The following NRG1 variants were observed in gnomAD, a reference collection of about 807,000 sequenced individuals.
NRG1 encodes the protein pro-neuregulin-1, membrane-bound isoform.
NRG1 carries 18 observed loss-of-function variants against 63.8 expected under a neutral mutation model. The observed-to-expected ratio is 0.28, with a 90% CI of 0.19 to 0.42. NRG1 has a LOEUF of 0.42. NRG1 is among the 10% of genes least tolerant of loss of function. The pLI, the probability that NRG1 is intolerant of heterozygous loss-of-function variation, is 1.00. For synonymous variants in NRG1, 302 were observed against 301.3 expected (o/e 1.00, Z -0.02); for missense variants, 762 against 814.7 (o/e 0.94, Z 0.79).
At chr8:32,303,353 A>T (rs182576333) in intron 1 of NRG1, among the ~76,000 whole-genome samples, 13 of 150,584 alleles carry the variant, frequency 8.6e-5, no homozygotes, top group Non-Finnish European at 1.5e-4. Context: ...TAAAAACATT[A>T]AAAAAAAACA....
At chr8:32,345,389 G>A (rs1032282737) in intron 1 of NRG1, among the ~76,000 whole-genome samples, 6 of 152,142 alleles carry the variant, frequency 3.9e-5, no homozygotes, top group African/African-American at 1.4e-4. Flanking sequence ...TCATCTGTGA[G>A]TTGTAAGCCT....
Position 31,677,888 on chromosome 8 carries a change from G to T in NRG1, c.37+38457G>T, listed in dbSNP as rs916157826. Among the ~76,000 whole-genome samples the T allele has an allele frequency of 2.0e-5, 3 of 151,952 alleles. No individual in the cohort carries two copies. The East Asian group carries it at 5.8e-4, about 29-fold the overall frequency. On this transcript the variant is annotated intron_variant, in intron 1 of 10. Coordinates refer to the NRG1 transcript ENST00000519301. ...TATTTAGACTGCTTACTTCAGAAGA[G>T]AATTTGTTTTCAAATATTCTCTTTG...
chr8:32,724,419 A>C (rs1189854240), intron 5 of NRG1, among the ~76,000 whole-genome samples: 2 of 152,174 alleles, frequency 1.3e-5, no homozygotes, highest in Non-Finnish European at 2.9e-5. Flanking sequence ...CCCCAGAAAG[A>C]ATGCTGTTTG....
chr8:32,714,827 C>T (rs541201508), intron 5 of NRG1, among the ~76,000 whole-genome samples: 42 of 152,308 alleles, frequency 2.8e-4, no homozygotes, highest in African/African-American at 9.6e-4. Context: ...AGCTCAAGCG[C>T]GTGCACGCAC....
intron 1 of NRG1, chr8:32,063,444 T>C (rs947519801): frequency 5.9e-5 from 9 of 152,286 alleles, no homozygotes; most frequent in Admixed American, 1.3e-4. Flanking sequence ...TATACTGTAT[T>C]GTTCAATCTG....
At chr8:31,711,920 C>A (rs778991181) in intron 1 of NRG1, among the ~76,000 whole-genome samples, 51 of 152,110 alleles carry the variant, frequency 3.4e-4, no homozygotes, top group Non-Finnish European at 6.6e-4. Context: ...GCCCACATGA[C>A]CTAATCACCT....
At chr8:32,253,514 A>G (rs1256228398) in intron 1 of NRG1, among the ~76,000 whole-genome samples, 2 of 152,254 alleles carry the variant, frequency 1.3e-5, no homozygotes, top group East Asian at 3.9e-4. Context: ...TGTATGTTGA[A>G]CCAGCCTTGC....
At chr8:32,160,481 A>T (rs1469464890) in intron 1 of NRG1, among the ~76,000 whole-genome samples, 1 of 152,230 alleles carries the variant, frequency 6.6e-6, no homozygotes, top group Non-Finnish European at 1.5e-5. Context: ...AGGTCACTAC[A>T]GTAGTTATTG....
At chr8:32,520,017 C>T (rs146435853) in intron 1 of NRG1, among the ~76,000 whole-genome samples, 114 of 152,294 alleles carry the variant, frequency 7.5e-4, no homozygotes, top group Middle Eastern at 6.8e-3. Context: ...CACACATATA[C>T]ACACACATAC....
chr8:32,590,390 G>T (rs114224846), intron 1 of NRG1, among the ~76,000 whole-genome samples: 3 of 152,174 alleles, frequency 2.0e-5, no homozygotes, highest in Middle Eastern at 3.4e-3. Context: ...TATGAACTGC[G>T]GTAGACCAAA....
rs183252688 is a variant in NRG1, at chr8:31,845,680, A to T, written c.37+206249A>T. ...TCCTTTAATTGCATTCTGACCAAAG[A>T]CTTTTGGGTGTTCAGGAGGGCAAGT... On this transcript the variant is annotated intron_variant, in intron 1 of 10. Transcript: ENST00000519301. Among the ~76,000 whole-genome samples, 28 of 152,254 alleles carry T rather than the reference A, an allele frequency of 1.8e-4. No individual in the cohort carries two copies. The East Asian group carries it at 5.4e-3, about 29-fold the overall frequency.
At chr8:32,230,912 C>T (rs929129340) in intron 1 of NRG1, among the ~76,000 whole-genome samples, 1 of 152,040 alleles carries the variant, frequency 6.6e-6, no homozygotes, top group Non-Finnish European at 1.5e-5. Context: ...TGAAAATATA[C>T]AATAAATTAT....
intron 1 of NRG1, among the ~76,000 whole-genome samples, chr8:31,720,624 T>TTTTG (rs963317491): frequency 6.6e-6 from 1 of 152,218 alleles, no homozygotes; most frequent in Non-Finnish European, 1.5e-5. Flanking sequence ...CAAACCGTTT[T>TTTTG]TTTGTTTGTT....
At chr8:32,646,798 TAGGAAG>T in intron 5 of NRG1, 2 of 984,696 alleles carry the variant, frequency 2.0e-6, no homozygotes, top group East Asian at 2.3e-4. Context: ...TTGGATAAAA[TAGGAAG>T]TCACTGGCAG....
intron 1 of NRG1, among the ~76,000 whole-genome samples, chr8:31,937,746 T>C (rs1801136752): frequency 6.6e-6 from 1 of 152,144 alleles, no homozygotes; most frequent in African/African-American, 2.4e-5. Context: ...GATTGCTGGC[T>C]TTCCCCCACT....
At chr8:32,354,284 G>A (rs547460293) in intron 1 of NRG1, among the ~76,000 whole-genome samples, 16 of 152,184 alleles carry the variant, frequency 1.1e-4, no homozygotes, top group East Asian at 1.9e-4. Context: ...CAGGAGAATC[G>A]CTAGAACCCG....
chr8:31,667,234 G>A (rs1308366080), intron 1 of NRG1, among the ~76,000 whole-genome samples: 1 of 152,190 alleles, frequency 6.6e-6, no homozygotes, highest in Non-Finnish European at 1.5e-5. Context: ...TTAGGCATTA[G>A]GAGATGAGTA....
chr8:32,613,076 C>A (rs1044948409), intron 3 of NRG1, among the ~76,000 whole-genome samples: 1 of 151,970 alleles, frequency 6.6e-6, no homozygotes, highest in Admixed American at 6.6e-5. Context: ...TCCTCTTTCT[C>A]GCCTGATGCT....
At chr8:32,718,352 G>A (rs910713397) in intron 5 of NRG1, among the ~76,000 whole-genome samples, 1 of 152,176 alleles carries the variant, frequency 6.6e-6, no homozygotes. Context: ...ATAAAGTAGT[G>A]TCATTTCCTG....
Sources: gnomAD v4.1 joint callset for allele counts (sites outside exome capture counted in the v4.1 genomes callset) on GRCh38, gnomAD v4.1.1 for gene constraint, MANE v1.5 for transcripts, NCBI Gene and HGNC (gene_info 2026-07-23, HGNC 2026-07-21) for gene names.